INPP5D: variants seen among roughly 807,000 people sequenced by gnomAD.
INPP5D encodes inositol polyphosphate-5-phosphatase D.
INPP5D carries 33 observed loss-of-function variants against 122.9 expected under a neutral mutation model. The ratio of observed to expected loss-of-function variants is 0.27; its 90% CI spans 0.20 to 0.36. INPP5D has a LOEUF of 0.36. INPP5D is among the 10% of genes least tolerant of loss of function. The probability of loss-of-function intolerance (pLI) is 1.00; values close to 1 mark genes in which losing one functional copy is unlikely to be tolerated. For synonymous variants in INPP5D, 584 were observed against 576.2 expected (o/e 1.01, Z -0.19); for missense variants, 1,053 against 1,412.7 (o/e 0.75, Z 4.08).
At chr2:233,200,650 T>C (rs1695307341) in intron 25 of INPP5D, among the ~76,000 whole-genome samples, 1 of 152,162 alleles carries the variant, frequency 6.6e-6, no homozygotes, top group African/African-American at 2.4e-5. Context: ...TCTCAAAATA[T>C]GCGAGATATG....
chr2:233,068,750 G>A (rs1454596354), intron 1 of INPP5D, among the ~76,000 whole-genome samples: 1 of 152,200 alleles, frequency 6.6e-6, no homozygotes, highest in Non-Finnish European at 1.5e-5. Context: ...CTTCCTGGAG[G>A]CCTCTGGGGG....
At chr2:233,143,421 T>A (rs1315181661) in intron 6 of INPP5D, among the ~76,000 whole-genome samples, 3 of 152,306 alleles carry the variant, frequency 2.0e-5, no homozygotes, top group Non-Finnish European at 4.4e-5. Context: ...AAATGTTCTC[T>A]ACTGTGAAAA....
chr2:233,178,226 G>T (rs900727956), intron 18 of INPP5D, among the ~76,000 whole-genome samples: 1 of 152,106 alleles, frequency 6.6e-6, no homozygotes, highest in African/African-American at 2.4e-5. Flanking sequence ...GAGCCCAGTA[G>T]TTCAAAACCA....
intron 2 of INPP5D, among the ~76,000 whole-genome samples, chr2:233,117,009 G>A (rs1275112882): frequency 1.3e-5 from 2 of 152,214 alleles, no homozygotes; most frequent in Admixed American, 6.5e-5. Flanking sequence ...GGGCGGAGGC[G>A]TTCACTCCAG....
chr2:233,140,932 G>T (rs1350464271), intron 6 of INPP5D: 7 of 152,380 alleles, frequency 4.6e-5, no homozygotes, highest in African/African-American at 1.7e-4. Flanking sequence ...GAGGGACAGG[G>T]AATAGCCAGT....
At chr2:233,064,852 T>G (rs114958979) in intron 1 of INPP5D, among the ~76,000 whole-genome samples, 1,651 of 152,198 alleles carry the variant, frequency 0.011, 34 homozygotes, top group African/African-American at 0.038. Flanking sequence ...GGTGGCTAAG[T>G]CTCCCTTTCG....
intron 24 of INPP5D, 31 bp downstream of exon 24, chr2:233,195,526 G>C (rs113301005): frequency 5.6e-6 from 9 of 1,612,528 alleles, no homozygotes; most frequent in Non-Finnish European, 7.6e-6. Flanking sequence ...GTGTTGGGGG[G>C]GGTGGATATC....
At chr2:233,136,649 C>A (rs927866158) in intron 5 of INPP5D, among the ~76,000 whole-genome samples, 2 of 152,094 alleles carry the variant, frequency 1.3e-5, no homozygotes, top group African/African-American at 4.8e-5. Flanking sequence ...CCAATGTGTA[C>A]CAACTATCTG....
intron 4 of INPP5D, among the ~76,000 whole-genome samples, chr2:233,129,177 T>A (rs952799844): frequency 4.6e-5 from 7 of 151,772 alleles, no homozygotes; most frequent in African/African-American, 1.7e-4. Context: ...AAAAAATAAA[T>A]AAATAAATAA....
rs1423818399 is a variant in INPP5D at position 233,183,461 on chromosome 2, CTCCT to C, written c.2162-942_2162-939del. Among the ~76,000 whole-genome samples, 1 of 152,214 alleles carries C rather than the reference CTCCT, an allele frequency of 6.6e-6. No homozygotes were observed. The highest frequency in any genetic ancestry group is 1.5e-5 in the Non-Finnish European group (1 of 68,030). On this transcript the variant is annotated intron_variant, in intron 19 of 26. Coordinates refer to ENST00000445964, the MANE Select transcript of INPP5D (RefSeq NM_001017915.3). This position sits in a 1 kb window ranked among gnomAD's most constrained non-coding sequence, Gnocchi z 4.6. The stretch of plus-strand genomic sequence containing the variant: ...CCCAAGCCTTGACCCACCATCGTGT[CTCCT>C]TCCTAAGTCTGGCCACTGTGCCTTT...
Position 233,171,046 on chromosome 2 carries a change from A to G in INPP5D, c.1901-18A>G. The G allele has an allele frequency of 6.2e-7, 1 of 1,613,500 alleles. No individual in the cohort carries two copies. The stretch of plus-strand genomic sequence containing the variant: ...AACCTGGGGAATCAGAATTAAAACG[A>G]AAGTCTCTCTGTTTCAGAGGAGGAA... On this transcript the variant is annotated intron_variant, in intron 16 of 26. Transcript: ENST00000445964.
chr2:233,137,853 A>AAT (rs1160357196), intron 5 of INPP5D, among the ~76,000 whole-genome samples: 43 of 27,720 alleles, frequency 1.6e-3, no homozygotes, highest in East Asian at 4.8e-3. Context: ...AAAAAAAAAA[A>AAT]ATATATATAT....
rs188767560 is a variant in INPP5D, at chr2:233,129,996, G to A, written c.525-512G>A. On this transcript the variant is annotated intron_variant, in intron 4 of 26. Coordinates refer to ENST00000445964, the MANE Select transcript of INPP5D (RefSeq NM_001017915.3). The stretch of plus-strand genomic sequence containing the variant: ...TTTTCACTGCAACCTCTGCCTTCCG[G>A]GTTCAAATGATTCTCCTGTCTCAGC... 2.8e-3 allele frequency among the ~76,000 whole-genome samples: 422 copies of A among 152,058 alleles called. 2 individuals are homozygous for A. Among genetic ancestry groups the A allele is most frequent in the Non-Finnish European group, 5.2e-3 (352 of 67,998 alleles).
At chr2:233,067,672 T>A (rs1254476748) in intron 1 of INPP5D, among the ~76,000 whole-genome samples, 1 of 152,242 alleles carries the variant, frequency 6.6e-6, no homozygotes, top group African/African-American at 2.4e-5. Flanking sequence ...AGGGTTCCAA[T>A]GTCTCCACTT....
At position 233,177,455 on chromosome 2, in the gene INPP5D, G is replaced by A. The variant is rs943948625; in HGVS notation, c.2071+109G>A. Reference sequence around the variant, plus strand: ...CTTCAGTCTGTTGATGTGTCAAAGGGAGGAATTCACTGTAACCCTAATCAG... The same window carrying A: ...CTTCAGTCTGTTGATGTGTCAAAGGAAGGAATTCACTGTAACCCTAATCAG... On this transcript the variant is annotated intron_variant, in intron 18 of 26. Coordinates refer to ENST00000445964, the MANE Select transcript of INPP5D (RefSeq NM_001017915.3). The surrounding 1 kb of genome is among the most constrained non-coding windows in gnomAD (Gnocchi z 4.2). The A allele has an allele frequency of 1.3e-6, 2 of 1,574,304 alleles. No individual in the cohort carries two copies. The highest frequency in any genetic ancestry group is 1.1e-5 in the South Asian group (1 of 88,596).
At chr2:233,139,473 T>C (rs1333877524) in intron 5 of INPP5D, among the ~76,000 whole-genome samples, 1 of 40,270 alleles carries the variant, frequency 2.5e-5, no homozygotes, top group Non-Finnish European at 5.7e-5. Flanking sequence ...CACCTGTGTG[T>C]GTGTGTGTGT....
At chr2:233,182,822 A>G (rs1226656510) in intron 19 of INPP5D, among the ~76,000 whole-genome samples, 2 of 152,198 alleles carry the variant, frequency 1.3e-5, no homozygotes, top group Admixed American at 6.5e-5. Flanking sequence ...GGCGGGGGAC[A>G]TGAATAAACA....
intron 13 of INPP5D, among the ~76,000 whole-genome samples, chr2:233,168,337 A>G (rs926300876): frequency 3.3e-5 from 5 of 152,248 alleles, no homozygotes; most frequent in African/African-American, 1.2e-4. Flanking sequence ...TGTACCAGCC[A>G]CATTTCAGGT....
At chr2:233,088,020 T>C (rs1691897872) in intron 2 of INPP5D, among the ~76,000 whole-genome samples, 1 of 151,970 alleles carries the variant, frequency 6.6e-6, no homozygotes, top group East Asian at 1.9e-4. Context: ...CTAGCCCCCA[T>C]GCTGGAGTGC....
Sources: allele counts gnomAD v4.1 joint callset (sites outside exome capture counted in the v4.1 genomes callset), GRCh38; gene constraint gnomAD v4.1.1; non-coding constraint Gnocchi (gnomAD v3.1); transcripts MANE v1.5; gene names NCBI Gene and HGNC (gene_info 2026-07-23, HGNC 2026-07-21).